The following CFAP95 variants were observed in gnomAD, a reference collection of about 807,000 sequenced individuals.
CFAP95 encodes the protein cilia- and flagella-associated protein 95.
At chr9:69,850,920 G>A in the CFAP95 span, among the ~76,000 whole-genome samples, 4 of 152,114 alleles carry the variant, frequency 2.6e-5, no homozygotes, top group Non-Finnish European at 5.9e-5. Flanking sequence ...TTGGCCCACT[G>A]AGTGTACTTC....
the CFAP95 span, among the ~76,000 whole-genome samples, chr9:69,857,390 T>G: frequency 6.6e-6 from 1 of 152,176 alleles, no homozygotes; most frequent in Non-Finnish European, 1.5e-5. Context: ...AAAAATGCAG[T>G]CAAAATAATG....
At chr9:69,903,605 A>G in the CFAP95 span, among the ~76,000 whole-genome samples, 1 of 152,234 alleles carries the variant, frequency 6.6e-6, no homozygotes, top group East Asian at 1.9e-4. Context: ...AAATATTACA[A>G]TTTTAATTTT....
chr9:69,843,598 T>G, the CFAP95 span, among the ~76,000 whole-genome samples: 57 of 67,518 alleles, frequency 8.4e-4, 6 homozygotes, highest in East Asian at 2.0e-3. Context: ...CTTCTTCTTC[T>G]TCTTCTTCTT....
the CFAP95 span, among the ~76,000 whole-genome samples, chr9:69,824,812 T>C: frequency 6.6e-6 from 1 of 152,218 alleles, no homozygotes; most frequent in Non-Finnish European, 1.5e-5. Flanking sequence ...GACAAAAATA[T>C]TGTGACCAGA....
At chr9:69,883,158 A>G in the CFAP95 span, among the ~76,000 whole-genome samples, 1 of 152,216 alleles carries the variant, frequency 6.6e-6, no homozygotes, top group Non-Finnish European at 1.5e-5. Flanking sequence ...GGAAAGAAAC[A>G]CAAAAAGTGG....
the CFAP95 span, among the ~76,000 whole-genome samples, chr9:69,890,886 T>A: frequency 6.6e-6 from 1 of 152,116 alleles, no homozygotes; most frequent in Non-Finnish European, 1.5e-5. Flanking sequence ...GGTAAAGAAA[T>A]ACAGAGGATT....
the CFAP95 span, among the ~76,000 whole-genome samples, chr9:69,838,097 G>C: frequency 6.6e-6 from 1 of 152,174 alleles, no homozygotes; most frequent in Admixed American, 6.5e-5. Flanking sequence ...CTATATCTCT[G>C]TTTTGGTACC....
chr9:69,890,256 T>TTATATATTTA, the CFAP95 span, among the ~76,000 whole-genome samples: 5 of 152,188 alleles, frequency 3.3e-5, no homozygotes, highest in Non-Finnish European at 7.3e-5. Context: ...AACCATTGCA[T>TTATATATTTA]TATATATTTA....
At chr9:69,826,420 T>TACAC in the CFAP95 span, among the ~76,000 whole-genome samples, 1 of 152,188 alleles carries the variant, frequency 6.6e-6, no homozygotes, top group African/African-American at 2.4e-5. Context: ...AAGCTTGTGT[T>TACAC]ACACAGATCT....
At chr9:69,822,370 A>T in the CFAP95 span, among the ~76,000 whole-genome samples, 1 of 152,192 alleles carries the variant, frequency 6.6e-6, no homozygotes, top group African/African-American at 2.4e-5. Context: ...CTGCTTTCCA[A>T]CAAGTTTACC....
At chr9:69,858,847 T>C in the CFAP95 span, among the ~76,000 whole-genome samples, 3 of 152,226 alleles carry the variant, frequency 2.0e-5, no homozygotes, top group Admixed American at 2.0e-4. Flanking sequence ...AAGTTTGTTT[T>C]GGCAGGGAAG....
At chr9:69,859,728 A>T in the CFAP95 span, among the ~76,000 whole-genome samples, 1 of 152,202 alleles carries the variant, frequency 6.6e-6, no homozygotes, top group African/African-American at 2.4e-5. Flanking sequence ...AGGTGATTTC[A>T]TGGTTGTGTG....
At chr9:69,901,759 G>A in the CFAP95 span, among the ~76,000 whole-genome samples, 6 of 152,192 alleles carry the variant, frequency 3.9e-5, no homozygotes, top group East Asian at 3.9e-4. Flanking sequence ...CTGAGGAATC[G>A]CCACACTGAC....
At chr9:69,830,897 C>A in the CFAP95 span, among the ~76,000 whole-genome samples, 1 of 152,108 alleles carries the variant, frequency 6.6e-6, no homozygotes, top group Non-Finnish European at 1.5e-5. Flanking sequence ...TGGTCTAAAG[C>A]GATCCTCCAA....
At chr9:69,894,360 T>C in the CFAP95 span, among the ~76,000 whole-genome samples, 21 of 152,014 alleles carry the variant, frequency 1.4e-4, no homozygotes, top group African/African-American at 4.8e-4. Context: ...GACAATAGAA[T>C]TTGCCTTATT....
At chr9:69,836,672 C>G in the CFAP95 span, among the ~76,000 whole-genome samples, 18,198 of 141,950 alleles carry the variant, frequency 0.13, 1,252 homozygotes, top group East Asian at 0.29. Context: ...TGTTTTGTCA[C>G]ATTTTGGCTT....
At chr9:69,848,304 G>A in the CFAP95 span, among the ~76,000 whole-genome samples, 1 of 152,174 alleles carries the variant, frequency 6.6e-6, no homozygotes, top group African/African-American at 2.4e-5. Flanking sequence ...AGAGCCTGTC[G>A]AACAGCATCT....
the CFAP95 span, among the ~76,000 whole-genome samples, chr9:69,903,184 C>A: frequency 6.6e-6 from 1 of 152,190 alleles, no homozygotes; most frequent in Admixed American, 6.5e-5. Context: ...AGGAGAGCTG[C>A]AAACTGCACC....
At chr9:69,886,093 C>T in the CFAP95 span, among the ~76,000 whole-genome samples, 1 of 152,152 alleles carries the variant, frequency 6.6e-6, no homozygotes, top group East Asian at 1.9e-4. Context: ...ATGAATCCTC[C>T]CTTTGTCCAG....
Sources: allele counts gnomAD v4.1 joint callset (sites outside exome capture counted in the v4.1 genomes callset), GRCh38; gene constraint gnomAD v4.1.1; transcripts MANE v1.5; gene names NCBI Gene and HGNC (gene_info 2026-07-23, HGNC 2026-07-21).